Variants in LAPTM4B observed in about 807,000 individuals in gnomAD.
LAPTM4B encodes lysosomal-associated transmembrane protein 4B.
LAPTM4B carries 26 observed loss-of-function variants against 28.5 expected under a neutral mutation model. That is an observed-to-expected ratio of 0.91 (90% CI 0.67 to 1.27). LAPTM4B has a LOEUF of 1.27. Among genes scored for constraint, LAPTM4B ranks in the 50% most tolerant of loss-of-function variants. LAPTM4B has a pLI of 0.00. For missense variants in LAPTM4B, 288 were observed against 285.8 expected, an observed-to-expected ratio of 1.01 and a Z score of -0.06; for synonymous variants, 109 against 106.4, an observed-to-expected ratio of 1.02 and a Z score of -0.15.
chr8:97,830,563 C>G (rs928855440), intron 6 of LAPTM4B, among the ~76,000 whole-genome samples: 2 of 152,152 alleles, frequency 1.3e-5, no homozygotes, highest in African/African-American at 4.8e-5. Context: ...GGCTGTTGTT[C>G]TTTTTCAGGA....
At chr8:97,816,322 TC>T (rs138971125) in intron 4 of LAPTM4B, 142 bp downstream of exon 4, 78,743 of 729,924 alleles carry the variant, frequency 0.11, 2,675 homozygotes, top group East Asian at 0.31. Context: ...ATTTCTTTTT[TC>T]TTTTTTTTGA....
At chr8:97,779,878 C>G (rs1004111057) in intron 1 of LAPTM4B, among the ~76,000 whole-genome samples, 7 of 151,004 alleles carry the variant, frequency 4.6e-5, no homozygotes, top group African/African-American at 7.3e-5. Context: ...GTGGTGAAAC[C>G]TCATCTCTAC....
intron 1 of LAPTM4B, among the ~76,000 whole-genome samples, chr8:97,799,530 G>A (rs867742216): frequency 6.6e-6 from 1 of 152,132 alleles, no homozygotes; most frequent in African/African-American, 2.4e-5. Flanking sequence ...ACCTGAGCAC[G>A]GTGACTGCAT....
intron 6 of LAPTM4B, among the ~76,000 whole-genome samples, chr8:97,825,935 T>A (rs1209379605): frequency 6.6e-6 from 1 of 152,200 alleles, no homozygotes; most frequent in Non-Finnish European, 1.5e-5. Flanking sequence ...CGGATAGGAT[T>A]GGACTGGACG....
At chr8:97,819,063 A>G (rs1441319326) in intron 4 of LAPTM4B, 77 bp from the exon 5 acceptor site, 1 of 869,738 alleles carries the variant, frequency 1.1e-6, no homozygotes, top group East Asian at 2.4e-5. Context: ...TCTGATAAGC[A>G]TGTCTGAATT....
chr8:97,835,416 C>T (rs144901761), intron 6 of LAPTM4B, among the ~76,000 whole-genome samples: 143 of 152,338 alleles, frequency 9.4e-4, no homozygotes, highest in African/African-American at 3.1e-3. Context: ...GTTAATCTCT[C>T]CTCCAGTTTC....
At chr8:97,835,620 G>C (rs1817247132) in intron 6 of LAPTM4B, among the ~76,000 whole-genome samples, 1 of 152,202 alleles carries the variant, frequency 6.6e-6, no homozygotes, top group Non-Finnish European at 1.5e-5. Flanking sequence ...TCTAACAAGT[G>C]CTGGCACATT....
chr8:97,790,004 C>T (rs1326393092), intron 1 of LAPTM4B, among the ~76,000 whole-genome samples: 1 of 152,188 alleles, frequency 6.6e-6, no homozygotes, highest in Non-Finnish European at 1.5e-5. Context: ...TTTCACTTTA[C>T]ATAATGACCT....
chr8:97,789,530 T>TG (rs199833261), intron 1 of LAPTM4B, among the ~76,000 whole-genome samples: 8,086 of 151,216 alleles, frequency 0.053, 734 homozygotes, highest in African/African-American at 0.19. Context: ...GGCTAATTTT[T>TG]TTTTTTTTTT....
chr8:97,792,496 C>T (rs192113074), intron 1 of LAPTM4B, among the ~76,000 whole-genome samples: 2 of 152,180 alleles, frequency 1.3e-5, no homozygotes, highest in Non-Finnish European at 2.9e-5. Flanking sequence ...CTCAAATGAT[C>T]CACCTCCCTT....
chr8:97,813,600 T>C (rs145929628), intron 2 of LAPTM4B, among the ~76,000 whole-genome samples: 1 of 152,382 alleles, frequency 6.6e-6, no homozygotes, highest in Non-Finnish European at 1.5e-5. Context: ...CCTGGATCTG[T>C]TGAGGTCCTG....
intron 1 of LAPTM4B, among the ~76,000 whole-genome samples, chr8:97,787,523 A>G (rs937142691): frequency 2.0e-5 from 3 of 152,074 alleles, no homozygotes; most frequent in Non-Finnish European, 4.4e-5. Flanking sequence ...TGACCTCATG[A>G]TCCATCCGCC....
intron 1 of LAPTM4B, among the ~76,000 whole-genome samples, chr8:97,788,836 G>C (rs1244562225): frequency 6.7e-6 from 1 of 149,368 alleles, no homozygotes; most frequent in Non-Finnish European, 1.5e-5. Flanking sequence ...CTGAGACTAC[G>C]GGTGTCTGTC....
chr8:97,817,444 A>AC (rs1266936907), intron 4 of LAPTM4B, among the ~76,000 whole-genome samples: 4 of 81,918 alleles, frequency 4.9e-5, no homozygotes, highest in African/African-American at 1.5e-4. Context: ...GGCCAACTTT[A>AC]CTTTTTTTTT....
At chr8:97,818,957 C>T (rs11781700) in intron 4 of LAPTM4B, among the ~76,000 whole-genome samples, 183 bp from the exon 5 acceptor site, 2 of 151,620 alleles carry the variant, frequency 1.3e-5, no homozygotes, top group South Asian at 2.1e-4. Flanking sequence ...CCCTGGATAC[C>T]GATCACTGAC....
intron 5 of LAPTM4B, among the ~76,000 whole-genome samples, chr8:97,823,330 C>T (rs950834093): frequency 3.5e-5 from 5 of 144,022 alleles, no homozygotes; most frequent in Admixed American, 2.1e-4. Flanking sequence ...CGAATACAAT[C>T]ATCATACAAT....
At chr8:97,835,759 G>A (rs1817250102) in intron 6 of LAPTM4B, among the ~76,000 whole-genome samples, 1 of 152,190 alleles carries the variant, frequency 6.6e-6, no homozygotes, top group Non-Finnish European at 1.5e-5. Flanking sequence ...CATGGTGGGT[G>A]TATATTGTGT....
At chr8:97,814,508 A>G (rs1238050684) in intron 2 of LAPTM4B, among the ~76,000 whole-genome samples, 1 of 151,972 alleles carries the variant, frequency 6.6e-6, no homozygotes, top group African/African-American at 2.4e-5. Flanking sequence ...TGGGCGACAG[A>G]GTGAGACTCT....
At chr8:97,791,646 C>G (rs1282272659) in intron 1 of LAPTM4B, among the ~76,000 whole-genome samples, 3 of 152,144 alleles carry the variant, frequency 2.0e-5, no homozygotes, top group Non-Finnish European at 4.4e-5. Flanking sequence ...ATTGGTTTAG[C>G]AGAGTTGGCC....
Sources: gnomAD v4.1 joint callset for allele counts (sites outside exome capture counted in the v4.1 genomes callset) on GRCh38, gnomAD v4.1.1 for gene constraint, MANE v1.5 for transcripts, NCBI Gene and HGNC (gene_info 2026-07-23, HGNC 2026-07-21) for gene names.